Variants in IP6K1 observed in about 807,000 individuals in gnomAD.
IP6K1 encodes ATP:1D-myo-inositol-hexakisphosphate phosphotransferase.
In IP6K1, 13 loss-of-function variants were observed where a neutral mutation model predicts 38.3. That is an observed-to-expected ratio of 0.34 (90% CI 0.22 to 0.54). The LOEUF (loss-of-function observed/expected upper bound fraction) is 0.54, where lower values mean the gene tolerates loss of function less well. Among genes scored for constraint, IP6K1 ranks in the 20% least tolerant of loss-of-function variants. The pLI is 0.92. For synonymous variants in IP6K1, 212 were observed against 229.9 expected, an observed-to-expected ratio of 0.92 and a Z score of 0.70; for missense variants, 397 against 599.8, an observed-to-expected ratio of 0.66 and a Z score of 3.53.
rs1448342304 is a variant in IP6K1, at chr3:49,726,765, C to A, written c.*357G>T. On this transcript the variant is annotated 3_prime_UTR_variant, in exon 6 of 6. Coordinates refer to ENST00000321599, the MANE Select transcript of IP6K1 (RefSeq NM_153273.4). ...TGCACCAGCCCAGGGCTTTACCTTA[C>A]AATCAGCAGGGCCCTGCAGCCACAG... 2 of 354,496 alleles carry A rather than the reference C, an allele frequency of 5.6e-6. No individual in the cohort carries two copies. Among genetic ancestry groups the A allele is most frequent in the Non-Finnish European group, 1.0e-5 (2 of 197,866 alleles). 22.0% of individuals were successfully genotyped at this position (354,496 alleles called of 1,614,324 possible).
intron 1 of IP6K1, among the ~76,000 whole-genome samples, chr3:49,756,543 C>T (rs2080824706): frequency 6.6e-6 from 1 of 152,194 alleles, no homozygotes; most frequent in South Asian, 2.1e-4. Context: ...AAGGGCCGGG[C>T]GCAGTGGCTC....
intron 4 of IP6K1, among the ~76,000 whole-genome samples, chr3:49,729,707 CTTATTA>C (rs1194221513): frequency 4.0e-5 from 6 of 150,448 alleles, no homozygotes; most frequent in Admixed American, 1.3e-4. Flanking sequence ...TGTGCCCAGC[CTTATTA>C]TTATTATTTA....
intron 1 of IP6K1, among the ~76,000 whole-genome samples, chr3:49,769,045 G>T (rs1345579141): frequency 6.6e-6 from 1 of 151,896 alleles, no homozygotes; most frequent in Admixed American, 6.6e-5. Context: ...CAAATGTCTT[G>T]GGTCAAATTT....
intron 1 of IP6K1, among the ~76,000 whole-genome samples, chr3:49,771,980 A>C (rs1413969158): frequency 6.6e-6 from 1 of 152,104 alleles, no homozygotes; most frequent in Non-Finnish European, 1.5e-5. Flanking sequence ...TTGCGAGGCC[A>C]AAGAGGGAGG....
At chr3:49,779,876 T>TG (rs1409742888) in intron 1 of IP6K1, among the ~76,000 whole-genome samples, 1 of 151,938 alleles carries the variant, frequency 6.6e-6, no homozygotes, top group Admixed American at 6.6e-5. Flanking sequence ...TTTGCAGAGA[T>TG]GGGGTCTCAC....
chr3:49,784,858 T>C (rs926078575), intron 1 of IP6K1, among the ~76,000 whole-genome samples: 5 of 151,736 alleles, frequency 3.3e-5, no homozygotes, highest in South Asian at 2.1e-4. Context: ...GGCAGGAAAA[T>C]TGCTTGAACC....
chr3:49,755,167 G>C (rs546100816), intron 1 of IP6K1, among the ~76,000 whole-genome samples: 1 of 146,314 alleles, frequency 6.8e-6, no homozygotes, highest in Admixed American at 7.1e-5. Context: ...GAACTCCCGA[G>C]CTCAAGATAT....
At chr3:49,768,100 C>G (rs1358064789) in intron 1 of IP6K1, among the ~76,000 whole-genome samples, 2 of 151,210 alleles carry the variant, frequency 1.3e-5, no homozygotes, top group Non-Finnish European at 2.9e-5. Flanking sequence ...CACTTGTGCA[C>G]TGCTGGTGAG....
chr3:49,734,565 C>G (rs77810563), intron 3 of IP6K1, among the ~76,000 whole-genome samples: 1 of 88,614 alleles, frequency 1.1e-5, no homozygotes, highest in African/African-American at 3.2e-5. Context: ...CTAACCCTCT[C>G]CAAGGGTCAG....
At chr3:49,737,619 G>C (rs577072886) in intron 3 of IP6K1, among the ~76,000 whole-genome samples, 8 of 152,336 alleles carry the variant, frequency 5.3e-5, no homozygotes, top group African/African-American at 1.9e-4. Context: ...CCAGGAGGGA[G>C]AGGTTGCAGT....
intron 1 of IP6K1, among the ~76,000 whole-genome samples, chr3:49,765,268 TGAAGG>T (rs747012031): frequency 5.9e-5 from 9 of 151,980 alleles, no homozygotes; most frequent in Non-Finnish European, 1.0e-4. Flanking sequence ...CAGGCTAAAA[TGAAGG>T]GACACCAGAC....
At position 49,734,007 on chromosome 3, in the gene IP6K1, G is replaced by A. The variant is rs551796976; in HGVS notation, c.435-1035C>T. Among the ~76,000 whole-genome samples, 5 of 152,262 alleles carry A rather than the reference G, an allele frequency of 3.3e-5. No homozygotes were observed. In the East Asian group the frequency reaches 9.6e-4, roughly 29 times the overall value. On this transcript the variant is annotated intron_variant, in intron 3 of 5. Transcript: ENST00000321599. ...TAGCTGGGCATGGTGGCATGTGCCTGTAGTTCCAGCCAGCTAGCTACTTGG... is the reference window on the plus strand; with the variant it reads ...TAGCTGGGCATGGTGGCATGTGCCTATAGTTCCAGCCAGCTAGCTACTTGG...
intron 4 of IP6K1, among the ~76,000 whole-genome samples, chr3:49,730,745 TCA>T (rs1357108202): frequency 6.6e-6 from 1 of 151,954 alleles, no homozygotes; most frequent in Non-Finnish European, 1.5e-5. Flanking sequence ...AGATGGAGTT[TCA>T]CTCTTGTTGC....
chr3:49,745,236 A>G lies in IP6K1; in HGVS notation c.223+2582T>C, dbSNP rs77393160. 1.4e-4 allele frequency among the ~76,000 whole-genome samples: 21 copies of G among 152,376 alleles called. No individual in the cohort carries two copies. The East Asian group carries it at 4.0e-3, about 29-fold the overall frequency. On this transcript the variant is annotated intron_variant, in intron 2 of 5. Coordinates refer to ENST00000321599, the MANE Select transcript of IP6K1 (RefSeq NM_153273.4). ...GAAAATATGGTTTCCAGAGCAGAAT[A>G]TAATATAGGATGATCAGGGAAGAAG...
At chr3:49,761,785 C>T (rs953796454) in intron 1 of IP6K1, among the ~76,000 whole-genome samples, 7 of 151,996 alleles carry the variant, frequency 4.6e-5, no homozygotes, top group African/African-American at 1.2e-4. Context: ...AAGACTCTGT[C>T]TCTACAGAAA....
intron 1 of IP6K1, among the ~76,000 whole-genome samples, chr3:49,756,846 A>G (rs868707519): frequency 1.4e-5 from 2 of 140,052 alleles, no homozygotes; most frequent in African/African-American, 2.6e-5. Flanking sequence ...AAAAAAGAAA[A>G]AAGAAAGAAA....
chr3:49,751,833 C>T (rs902507381), intron 1 of IP6K1, among the ~76,000 whole-genome samples: 1 of 152,100 alleles, frequency 6.6e-6, no homozygotes, highest in Non-Finnish European at 1.5e-5. Flanking sequence ...TTTTTTCTCA[C>T]TGGTGAATTG....
chr3:49,728,067 G>GTGGCA (rs1444221500), intron 5 of IP6K1, 36 bp downstream of exon 5: 1 of 1,588,064 alleles, frequency 6.3e-7, no homozygotes, highest in South Asian at 1.1e-5. Context: ...AATCATGCAA[G>GTGGCA]TGGCAGCACC....
At chr3:49,785,046 A>C (rs1323533228) in intron 1 of IP6K1, among the ~76,000 whole-genome samples, 6 of 152,200 alleles carry the variant, frequency 3.9e-5, no homozygotes, top group Non-Finnish European at 2.9e-5. Flanking sequence ...ACATACAAGA[A>C]GACTGTACAA....
Sources: allele counts gnomAD v4.1 joint callset (sites outside exome capture counted in the v4.1 genomes callset), GRCh38; gene constraint gnomAD v4.1.1; transcripts MANE v1.5; gene names NCBI Gene and HGNC (gene_info 2026-07-23, HGNC 2026-07-21).